The following TFPT variants were observed in gnomAD, a reference collection of about 807,000 sequenced individuals.
TFPT encodes INO80 complex subunit F.
A neutral mutation model predicts 28.8 loss-of-function variants in TFPT; 27 were observed. The observed-to-expected ratio is 0.94, with a 90% confidence interval of 0.69 to 1.29. TFPT has a LOEUF of 1.29. Ranked by LOEUF, TFPT falls within the 50% of genes most tolerant of loss-of-function variation. The pLI is 0.00. For missense variants in TFPT, 330 were observed against 338.0 expected (o/e 0.98, Z 0.19); for synonymous variants, 152 against 142.8 (o/e 1.06, Z -0.46).
chr19:54,115,375 A>T lies in TFPT; in HGVS notation c.-106T>A. 6 of 1,547,890 alleles carry T rather than the reference A, an allele frequency of 3.9e-6. No individual in the cohort carries two copies. The South Asian group carries it at 5.6e-5, about 14-fold the overall frequency. Reference sequence around the variant, plus strand: ...GTCCCATCAGGCTCAGCAGCCGAGGACGGCGGGACGTGGCCCTAGGCCTTG... The same window carrying T: ...GTCCCATCAGGCTCAGCAGCCGAGGTCGGCGGGACGTGGCCCTAGGCCTTG... On this transcript the variant is annotated 5_prime_UTR_variant, in exon 1 of 6. Transcript: ENST00000391759.
At chr19:54,110,872 T>G (rs999029089) in intron 2 of TFPT, among the ~76,000 whole-genome samples, 1 of 152,158 alleles carries the variant, frequency 6.6e-6, no homozygotes, top group East Asian at 1.9e-4. Flanking sequence ...GAGCATGAGC[T>G]GAAAAACGAC....
At position 54,115,363 on chromosome 19, in the gene TFPT, C is replaced by G; in HGVS notation, c.-94G>C. 1.3e-6 allele frequency: 2 copies of G among 1,588,930 alleles called. No homozygotes were observed. The highest frequency in any genetic ancestry group is 1.7e-6 in the Non-Finnish European group (2 of 1,161,122). ...GCAAAACTACTTGTCCCATCAGGCT[C>G]AGCAGCCGAGGACGGCGGGACGTGG... is the stretch of plus-strand genomic sequence containing the variant. On this transcript the variant is annotated 5_prime_UTR_variant, in exon 1 of 6. Transcript: ENST00000391759.
intron 2 of TFPT, among the ~76,000 whole-genome samples, chr19:54,110,800 G>A (rs1379953372): frequency 6.6e-6 from 1 of 152,096 alleles, no homozygotes; most frequent in African/African-American, 2.4e-5. Context: ...CTCATCTGAG[G>A]AGGCAGGACG....
chr19:54,107,952 G>A lies in TFPT; in HGVS notation c.642+74C>T, dbSNP rs587621474. ...CCCCAGCCCTGGCCCCTCCCCTTGA[G>A]TCCCCCCTCCTTACCTGCACTGGCG... is the stretch of plus-strand genomic sequence containing the variant. On this transcript the variant is annotated intron_variant, in intron 5 of 5. Transcript: ENST00000391759. 1.6e-5 allele frequency: 23 copies of A among 1,451,404 alleles called. No homozygotes were observed. The African/African-American group carries it at 2.0e-4, about 13-fold the overall frequency. The allele number at this position is 1,451,404 out of a possible 1,614,324, so 89.9% of individuals were successfully genotyped here.
intron 3 of TFPT, 116 bp downstream of exon 3, chr19:54,109,935 G>A (rs960561851): frequency 9.5e-5 from 66 of 695,306 alleles, no homozygotes; most frequent in Non-Finnish European, 1.2e-4. Context: ...CCTCATCTCC[G>A]GCTTCTCCTT....
In TFPT at chr19:54,108,354, C is replaced by T. The variant is rs753104719; in HGVS notation, c.395G>A (p.Arg132Gln). The change falls in exon 4 of 6, where the codon CGG becomes CAG. Residue 132 changes from arginine to glutamine, a missense_variant. By Grantham distance (43) the Arg-to-Gln change is conservative. Coordinates refer to ENST00000391759, the MANE Select transcript of TFPT (RefSeq NM_013342.4). ...RVLDSYGDDY[R>Q]ASQFTIVLED... ...CAGCACAATGGTGAACTGGCTGGCCCGGTAGTCATCCCCGTAGGAGTCCAG... is the reference window on the plus strand; with the variant it reads ...CAGCACAATGGTGAACTGGCTGGCCTGGTAGTCATCCCCGTAGGAGTCCAG... The T allele has an allele frequency of 3.2e-5, 52 of 1,610,476 alleles. No homozygotes were observed. In the Middle Eastern group the frequency reaches 4.9e-4, roughly 15 times the overall value.
At position 54,114,784 on chromosome 19, in the gene TFPT, C is replaced by A. The variant is rs867647384; in HGVS notation, c.24-84G>T. ...ACTGAACCAGGAGCCCAGACCCCAA[C>A]CCCTCCTCCCTGAGATCCTAGAATC... On this transcript the variant is annotated intron_variant, in intron 1 of 5. Transcript: ENST00000391759. The A allele has an allele frequency of 5.7e-5, 86 of 1,510,898 alleles. No homozygotes were observed. The African/African-American group carries it at 7.7e-4, about 14-fold the overall frequency. 93.6% of individuals were successfully genotyped at this position (1,510,898 alleles called of 1,614,324 possible). A position where few individuals can be genotyped will look rare whatever the true frequency, so the allele number is the denominator to read the frequency against.
At chr19:54,108,615 T>A in intron 3 of TFPT, 1 of 1,522,182 alleles carries the variant, frequency 6.6e-7, no homozygotes, top group South Asian at 1.2e-5. Flanking sequence ...AGTTTCCTGC[T>A]CTGCAAACGA....
At chr19:54,107,760 ACTTTGCCTC>A (rs1280921840) in intron 5 of TFPT, among the ~76,000 whole-genome samples, 1 of 151,274 alleles carries the variant, frequency 6.6e-6, no homozygotes, top group Non-Finnish European at 1.5e-5. Context: ...TCCCTTTCCA[ACTTTGCCTC>A]CTTTTTACCC....
At chr19:54,110,202 T>A in intron 2 of TFPT, 81 bp from the exon 3 acceptor site, 1 of 1,483,120 alleles carries the variant, frequency 6.7e-7, no homozygotes, top group Non-Finnish European at 9.4e-7. Context: ...GGGCACGCAC[T>A]AAACTCTGGA....
chr19:54,114,756 C>T, intron 1 of TFPT, 56 bp from the exon 2 acceptor site: 1 of 1,555,946 alleles, frequency 6.4e-7, no homozygotes, highest in Admixed American at 1.9e-5. Context: ...AGCCCCTTCT[C>T]CCACTGAACC....
At chr19:54,115,225 T>A in intron 1 of TFPT, 22 bp downstream of exon 1, 1 of 1,614,110 alleles carries the variant, frequency 6.2e-7, no homozygotes, top group South Asian at 1.1e-5. Context: ...TCGCACTTTT[T>A]CACAAGGGCT....
intron 1 of TFPT, chr19:54,115,008 C>G (rs2073581077): frequency 1.4e-6 from 1 of 691,940 alleles, no homozygotes; most frequent in Non-Finnish European, 2.4e-6. Context: ...AGCCCCAACC[C>G]TCAACCAGAC....
intron 2 of TFPT, among the ~76,000 whole-genome samples, chr19:54,114,017 T>C (rs1340223615): frequency 6.6e-6 from 1 of 152,168 alleles, no homozygotes; most frequent in Non-Finnish European, 1.5e-5. Context: ...AAGGAGGCTA[T>C]TGCAGTCATT....
rs1198918309 is a variant in TFPT, at chr19:54,115,464, C to T, written c.-195G>A. ...CCACCCCCACGTCCACCCCGAATCC[C>T]TGCTTAAAGGCCTTGCTTTCTTGTC... On this transcript the variant is annotated 5_prime_UTR_variant, in exon 1 of 6. Coordinates refer to ENST00000391759, the MANE Select transcript of TFPT (RefSeq NM_013342.4). The T allele has an allele frequency of 7.5e-6, 5 of 670,596 alleles. No individual in the cohort carries two copies. The Admixed American group carries it at 1.4e-4, about 18-fold the overall frequency. The allele number at this position is 670,596 out of a possible 1,614,324, so 41.5% of individuals were successfully genotyped here.
chr19:54,110,992 T>C lies in TFPT; in HGVS notation c.283-871A>G, dbSNP rs149338142. 1.7e-3 allele frequency among the ~76,000 whole-genome samples: 263 copies of C among 152,274 alleles called. 1 individual carries two copies. Among genetic ancestry groups the C allele is most frequent in the African/African-American group, 6.1e-3 (255 of 41,554 alleles). ...TGCAAAGTGAGAAGTGCTTGGTGAA[T>C]ACCAAAGAGTCAGACATGCTGGAGG... On this transcript the variant is annotated intron_variant, in intron 2 of 5. Coordinates refer to ENST00000391759, the MANE Select transcript of TFPT (RefSeq NM_013342.4).
intron 3 of TFPT, chr19:54,109,070 T>G (rs1003835673): frequency 5.0e-5 from 8 of 161,166 alleles, no homozygotes; most frequent in African/African-American, 7.2e-5. Flanking sequence ...AATTTTTTTG[T>G]ATTTTTAGTA....
chr19:54,113,231 C>G (rs181752973), intron 2 of TFPT, among the ~76,000 whole-genome samples: 1 of 151,910 alleles, frequency 6.6e-6, no homozygotes, highest in Admixed American at 6.6e-5. Flanking sequence ...TCAAATGAAG[C>G]CAGTGGGTGG....
chr19:54,108,507 A>T (rs1403271285), intron 3 of TFPT, 112 bp from the exon 4 acceptor site: 3 of 1,613,214 alleles, frequency 1.9e-6, no homozygotes, highest in Non-Finnish European at 2.5e-6. Flanking sequence ...GCTGTCCTGG[A>T]GCCAGACGGT....
Sources: gnomAD v4.1 joint callset for allele counts (sites outside exome capture counted in the v4.1 genomes callset) on GRCh38, gnomAD v4.1.1 for gene constraint, MANE v1.5 for transcripts, NCBI Gene and HGNC (gene_info 2026-07-23, HGNC 2026-07-21) for gene names.